The following MINK1 variants were observed in gnomAD, a reference collection of about 807,000 sequenced individuals.
MINK1 encodes the protein misshapen-like kinase 1.
In MINK1, 46 loss-of-function variants were observed where a neutral mutation model predicts 178.4. That is an observed-to-expected ratio of 0.26 (90% CI 0.20 to 0.33). MINK1 has a LOEUF of 0.33. Among genes scored for constraint, MINK1 ranks in the 10% least tolerant of loss-of-function variants. The pLI is 1.00. For synonymous variants in MINK1, 797 were observed against 709.7 expected (o/e 1.12, Z -1.96); for missense variants, 1,366 against 1,814.9 (o/e 0.75, Z 4.49).
At position 4,887,777 on chromosome 17, in the gene MINK1, G is replaced by A. The variant is rs1254175370; in HGVS notation, c.1217G>A (p.Arg406His). Residue 406 changes from arginine (R) to histidine (H), a missense_variant, in exon 12 of 32, where the codon CGC becomes CAC. Coordinates refer to ENST00000355280, the MANE Select transcript of MINK1 (RefSeq NM_153827.5). The surrounding 1 kb of genome is among the most constrained non-coding windows in gnomAD (Gnocchi z 7.6). Reference sequence around the variant, plus strand: ...ATAGAGGAGCAGAAGGAGGAGCGGCGCCGCGTGGAGGAGGTGGGCTGTCTC... The same window carrying A: ...ATAGAGGAGCAGAAGGAGGAGCGGCACCGCGTGGAGGAGGTGGGCTGTCTC... ...RRIEEQKEER[R>H]RVEEQQRRER... 1.1e-5 allele frequency: 16 copies of A among 1,520,528 alleles called. No individual in the cohort carries two copies. Among genetic ancestry groups the A allele is most frequent in the African/African-American group, 2.8e-5 (2 of 71,946 alleles). The allele number at this position is 1,520,528 out of a possible 1,614,324, so 94.2% of individuals were successfully genotyped here. A position where few individuals can be genotyped will look rare whatever the true frequency, so the allele number is the denominator to read the frequency against.
At chr17:4,891,202 A>ACACT (rs1455940683) in intron 15 of MINK1, 78 bp downstream of exon 15, 2 of 231,544 alleles carry the variant, frequency 8.6e-6, no homozygotes, top group East Asian at 4.1e-5. Flanking sequence ...ACACGCGCGC[A>ACACT]CACACACACA....
chr17:4,844,674 G>A, intron 1 of MINK1: 1 of 411,918 alleles, frequency 2.4e-6, no homozygotes, highest in Non-Finnish European at 4.7e-6. Context: ...ATTTCTAAAT[G>A]TAGGGCCGCT....
At chr17:4,841,830 G>A (rs775807188) in intron 1 of MINK1, among the ~76,000 whole-genome samples, 5 of 151,946 alleles carry the variant, frequency 3.3e-5, no homozygotes, top group African/African-American at 1.2e-4. Context: ...TGCTGGGCAC[G>A]GTGGGATACA....
chr17:4,892,049 C>T, intron 16 of MINK1, 100 bp from the exon 17 acceptor site: 6 of 975,424 alleles, frequency 6.2e-6, no homozygotes, highest in African/African-American at 1.7e-5. Context: ...GTTTTCTCAT[C>T]CATCAAAGTG....
intron 18 of MINK1, 38 bp downstream of exon 18, chr17:4,892,550 C>A: frequency 6.5e-7 from 1 of 1,540,758 alleles, no homozygotes; most frequent in South Asian, 1.2e-5. Context: ...TCACCTCTCA[C>A]TTCTGCCACC....
Position 4,895,494 on chromosome 17 carries a change from G to A in MINK1, c.3229+1G>A. The A allele has an allele frequency of 6.3e-7, 1 of 1,576,322 alleles. No individual in the cohort carries two copies. Among genetic ancestry groups the A allele is most frequent in the Non-Finnish European group, 8.6e-7 (1 of 1,159,056 alleles). On this transcript the variant is annotated splice_donor_variant, in intron 26 of 31. Coordinates refer to ENST00000355280, the MANE Select transcript of MINK1 (RefSeq NM_153827.5). LOFTEE classifies it high-confidence loss of function. This position sits in a 1 kb window ranked among gnomAD's most constrained non-coding sequence, Gnocchi z 4.3. ...CTCAACCTGCTCATCACCATCTCAG[G>A]TACAGGTGTGGTGAGTGGGGGAGGG...
At chr17:4,850,172 C>T (rs895350658) in intron 1 of MINK1, among the ~76,000 whole-genome samples, 3 of 152,082 alleles carry the variant, frequency 2.0e-5, no homozygotes, top group African/African-American at 4.8e-5. Context: ...TTTTGTTCAA[C>T]GCCACGTTGT....
chr17:4,891,200 G>GCACACA lies in MINK1; in HGVS notation c.1740+96_1740+101dup, dbSNP rs3081308. On this transcript the variant is annotated intron_variant, in intron 15 of 31. Transcript: ENST00000355280. ...AGAGCACAGGTACACACACACGCGC[G>GCACACA]CACACACACACACACACACACACAC... 4.3e-3 allele frequency: 4,330 copies of GCACACA among 1,002,776 alleles called. 5 individuals are homozygous for GCACACA. The highest frequency in any genetic ancestry group is 0.018 in the East Asian group (651 of 35,524). The allele number at this position is 1,002,776 out of a possible 1,614,324, so 62.1% of individuals were successfully genotyped here.
intron 21 of MINK1, 175 bp downstream of exon 21, chr17:4,893,772 G>T: frequency 1.8e-6 from 2 of 1,082,086 alleles, no homozygotes; most frequent in Non-Finnish European, 1.3e-6. Context: ...GTGTTGTGGG[G>T]TGGCCTCTTC....
At chr17:4,892,359 G>GC (rs759652064) in intron 17 of MINK1, 43 bp from the exon 18 acceptor site, 672 of 1,434,646 alleles carry the variant, frequency 4.7e-4, no homozygotes, top group East Asian at 2.6e-3. Context: ...TCACCTCAGC[G>GC]CCCCCCCGCC....
chr17:4,891,206 A>G lies in MINK1; in HGVS notation c.1740+82A>G, dbSNP rs1021647135. 1,306 of 466,898 alleles carry G rather than the reference A, an allele frequency of 2.8e-3. 12 individuals carry two copies. The highest frequency in any genetic ancestry group is 0.021 in the African/African-American group (1,150 of 54,274). 28.9% of individuals were successfully genotyped at this position (466,898 alleles called of 1,614,324 possible). The stretch of plus-strand genomic sequence containing the variant: ...CAGGTACACACACACGCGCGCACAC[A>G]CACACACACACACACACACCTGCTC... On this transcript the variant is annotated intron_variant, in intron 15 of 31. Transcript: ENST00000355280.
At chr17:4,875,953 G>A (rs980154531) in intron 1 of MINK1, among the ~76,000 whole-genome samples, 2 of 151,240 alleles carry the variant, frequency 1.3e-5, no homozygotes, top group African/African-American at 2.4e-5. Flanking sequence ...CCGCCACCAC[G>A]CCCAGCTAAT....
In MINK1 at chr17:4,896,155, C is replaced by T. The variant is rs748387491; in HGVS notation, c.3466-38C>T. On this transcript the variant is annotated intron_variant, in intron 28 of 31. Transcript: ENST00000355280. This position sits in a 1 kb window ranked among gnomAD's most constrained non-coding sequence, Gnocchi z 4.6. ...CATCTGGAGTCCCAGCGCCTCTCCC[C>T]GTGCCCCTGAGCCCTCCTCTCCTCC... 2.3e-5 allele frequency: 37 copies of T among 1,604,266 alleles called. No homozygotes were observed. Among genetic ancestry groups the T allele is most frequent in the African/African-American group, 9.4e-5 (7 of 74,694 alleles).
intron 1 of MINK1, among the ~76,000 whole-genome samples, chr17:4,867,971 CTTT>C (rs552337563): frequency 4.2e-5 from 6 of 142,374 alleles, no homozygotes; most frequent in Non-Finnish European, 4.6e-5. Flanking sequence ...TCTTCTAGCT[CTTT>C]TTTTTTTTTT....
In MINK1 at chr17:4,878,389, C is replaced by T. The variant is rs1021417874; in HGVS notation, c.123+7C>T. On this transcript the variant is annotated splice_region_variant and intron_variant, in intron 2 of 31. Transcript: ENST00000355280. ...CTACGGACAGGTGTACAAGGTGAGACGAATGGTGTGGAAGTATGACCTCCA... is the reference window on the plus strand; with the variant it reads ...CTACGGACAGGTGTACAAGGTGAGATGAATGGTGTGGAAGTATGACCTCCA... 21 of 1,535,922 alleles carry T rather than the reference C, an allele frequency of 1.4e-5. No homozygotes were observed. The highest frequency in any genetic ancestry group is 4.1e-5 in the African/African-American group (3 of 72,936).
intron 1 of MINK1, among the ~76,000 whole-genome samples, chr17:4,842,231 A>AAG (rs1910355883): frequency 6.6e-6 from 1 of 151,254 alleles, no homozygotes; most frequent in African/African-American, 2.4e-5. Flanking sequence ...CCAAAAAAAA[A>AAG]AAAAAACTGC....
At chr17:4,858,237 TG>T (rs1197712771) in intron 1 of MINK1, among the ~76,000 whole-genome samples, 1 of 152,068 alleles carries the variant, frequency 6.6e-6, no homozygotes, top group Non-Finnish European at 1.5e-5. Flanking sequence ...CCTCTCTGTG[TG>T]GGCCTTCTGG....
intron 1 of MINK1, among the ~76,000 whole-genome samples, chr17:4,837,788 C>G (rs1325404000): frequency 6.6e-6 from 1 of 152,208 alleles, no homozygotes; most frequent in Non-Finnish European, 1.5e-5. Flanking sequence ...AACTGTGGAG[C>G]TATGCTTAGC....
intron 4 of MINK1, 44 bp downstream of exon 4, chr17:4,881,301 G>A (rs1032282489): frequency 1.3e-6 from 2 of 1,529,406 alleles, no homozygotes; most frequent in Non-Finnish European, 1.8e-6. Context: ...CGCAATCCCT[G>A]TCTCCGGGCT....
Sources: gnomAD v4.1 joint callset for allele counts (sites outside exome capture counted in the v4.1 genomes callset) on GRCh38, gnomAD v4.1.1 for gene constraint, Gnocchi (gnomAD v3.1) non-coding constraint, MANE v1.5 for transcripts, NCBI Gene and HGNC (gene_info 2026-07-23, HGNC 2026-07-21) for gene names.